The following VIPR1 variants were observed in gnomAD, a reference collection of about 807,000 sequenced individuals.
The protein encoded by VIPR1 is vasoactive intestinal polypeptide receptor 1.
VIPR1 carries 59 observed loss-of-function variants against 58.8 expected under a neutral mutation model. The ratio of observed to expected loss-of-function variants is 1.00; its 90% CI spans 0.81 to 1.25. The LOEUF (loss-of-function observed/expected upper bound fraction) is 1.25, where lower values mean the gene tolerates loss of function less well. Ranked by LOEUF, VIPR1 falls within the 50% of genes most tolerant of loss-of-function variation. The probability of loss-of-function intolerance (pLI) is 0.00; values close to 1 mark genes in which losing one functional copy is unlikely to be tolerated. For missense variants in VIPR1, 626 were observed against 602.7 expected (o/e 1.04, Z -0.40); for synonymous variants, 251 against 242.1 (o/e 1.04, Z -0.34).
intron 10 of VIPR1, chr3:42,532,720 G>A (rs575766853): frequency 1.4e-4 from 39 of 277,646 alleles, no homozygotes; most frequent in Non-Finnish European, 2.4e-4. Flanking sequence ...TGCCCTGGGG[G>A]AGACCCCAGT....
At chr3:42,529,940 C>T (rs1044602171) in intron 6 of VIPR1, 3 of 152,266 alleles carry the variant, frequency 2.0e-5, no homozygotes, top group African/African-American at 7.2e-5. Flanking sequence ...GGCCACCCCT[C>T]CCCTCTTCTC....
intron 1 of VIPR1, among the ~76,000 whole-genome samples, chr3:42,512,528 C>G (rs147390061): frequency 6.6e-6 from 1 of 152,276 alleles, no homozygotes; most frequent in Non-Finnish European, 1.5e-5. Flanking sequence ...GAAGGTCCCC[C>G]ACCTATGTTC....
In VIPR1 at chr3:42,490,816, A is replaced by G. The variant is rs185874248; in HGVS notation, c.-245+1138A>G. ...GGGAATACCGGGGAAGAGCATTCCAAGTAGAGGGAGCTGCCAGTACAGACT... is the reference window on the plus strand; with the variant it reads ...GGGAATACCGGGGAAGAGCATTCCAGGTAGAGGGAGCTGCCAGTACAGACT... On this transcript the variant is annotated intron_variant, in intron 1 of 13. Transcript: ENST00000433647. Among the ~76,000 whole-genome samples the G allele has an allele frequency of 1.4e-3, 208 of 152,254 alleles. 4 individuals carry two copies. In the East Asian group the frequency reaches 0.038, roughly 27 times the overall value.
At chr3:42,509,924 T>G (rs189710089) in intron 1 of VIPR1, among the ~76,000 whole-genome samples, 4 of 152,302 alleles carry the variant, frequency 2.6e-5, no homozygotes, top group Admixed American at 2.6e-4. Context: ...CCTGGACTGG[T>G]GCAGTAGCTT....
chr3:42,513,596 G>T (rs1700469303), intron 1 of VIPR1, 153 bp from the exon 2 acceptor site: 1 of 751,896 alleles, frequency 1.3e-6, no homozygotes, highest in Non-Finnish European at 2.1e-6. Context: ...ACAGGTTGGG[G>T]TCAGGTTCAG....
upstream of VIPR1, among the ~76,000 whole-genome samples, chr3:42,501,128 G>T (rs1699860408): frequency 6.6e-6 from 1 of 152,130 alleles, no homozygotes; most frequent in African/African-American, 2.4e-5. This position sits in a 1 kb window ranked among gnomAD's most constrained non-coding sequence, Gnocchi z 4.8. Context: ...CAAGTGCAGG[G>T]GATGGAATGC....
intron 1 of VIPR1, 97 bp from the exon 2 acceptor site, chr3:42,513,650 ATC>A: frequency 7.9e-7 from 1 of 1,258,930 alleles, no homozygotes; most frequent in Non-Finnish European, 1.1e-6. Flanking sequence ...TGGAACTTGG[ATC>A]TCTTCCAGGG....
chr3:42,530,886 C>A lies in VIPR1; in HGVS notation c.744C>A (p.Phe248Leu), dbSNP rs1313739181. 3 of 1,613,996 alleles carry A rather than the reference C, an allele frequency of 1.9e-6. No individual in the cohort carries two copies. The African/African-American group carries it at 4.0e-5, about 22-fold the overall frequency. Reference sequence around the variant, plus strand: ...TGTACACCCTGCTTGCCGTCTCCTTCTTCTCTGAGCGGAAGTACTTCTGGG... The same window carrying A: ...TGTACACCCTGCTTGCCGTCTCCTTATTCTCTGAGCGGAAGTACTTCTGGG... ...LYLYTLLAVS[F>L]FSERKYFWGY... The change falls in exon 7 of 13, where the codon TTC becomes TTA. Residue 248 changes from phenylalanine to leucine, a missense_variant. Phe to Leu is a conservative substitution (Grantham distance 22). Transcript: ENST00000325123.
intron 6 of VIPR1, chr3:42,530,414 A>G (rs1265018990): frequency 4.4e-6 from 1 of 225,410 alleles, no homozygotes; most frequent in African/African-American, 2.2e-5. Context: ...GGACACATGG[A>G]TAAAAAATGG....
rs899351737 is a variant in VIPR1 at position 42,527,468 on chromosome 3, G to A, written c.475G>A (p.Val159Ile). ...CGGCCTGTCCCTCGCCACCCTTCTG[G>A]TCGCCACAGCTATCCTGAGCCTGTT... ...GYGLSLATLLVATAILSLFRK... is the reference protein window; with the variant it reads ...GYGLSLATLLIATAILSLFRK... The change falls in exon 5 of 13, where the codon GTC becomes ATC. Residue 159 changes from valine to isoleucine, a missense_variant. Val to Ile is a conservative substitution (Grantham distance 29). Coordinates refer to ENST00000325123, the MANE Select transcript of VIPR1 (RefSeq NM_004624.4). The A allele has an allele frequency of 6.2e-7, 1 of 1,613,796 alleles. No homozygotes were observed. The highest frequency in any genetic ancestry group is 1.3e-5 in the African/African-American group (1 of 74,896).
chr3:42,524,299 T>C (rs1701116433), intron 3 of VIPR1, among the ~76,000 whole-genome samples: 1 of 152,186 alleles, frequency 6.6e-6, no homozygotes, highest in South Asian at 2.1e-4. Context: ...CTGGCTGCAA[T>C]GATGGGAAGC....
rs1010307918 is a variant in VIPR1, at chr3:42,536,888, T to G, written c.*607T>G. On this transcript the variant is annotated 3_prime_UTR_variant, in exon 13 of 13. Transcript: ENST00000325123. ...TTTTTGTTTGGAGAGCACACCTATC[T>G]TAGTGGTTCCCCACCGAAGTGGACT... is the stretch of plus-strand genomic sequence containing the variant. 1.3e-5 allele frequency: 2 copies of G among 152,238 alleles called. No individual in the cohort carries two copies. Among genetic ancestry groups the G allele is most frequent in the Non-Finnish European group, 1.5e-5 (1 of 68,060 alleles). 9.4% of individuals were successfully genotyped at this position (152,238 alleles called of 1,614,324 possible).
chr3:42,531,424 T>C, intron 7 of VIPR1, 47 bp from the exon 8 acceptor site: 1 of 1,548,734 alleles, frequency 6.5e-7, no homozygotes, highest in Admixed American at 2.0e-5. Flanking sequence ...CCTCTACCCC[T>C]GCTTCCTGTG....
rs1420585633 is a variant in VIPR1 at position 42,536,718 on chromosome 3, A to G, written c.*437A>G. 1 of 161,328 alleles carries G rather than the reference A, an allele frequency of 6.2e-6. No homozygotes were observed. Among genetic ancestry groups the G allele is most frequent in the Non-Finnish European group, 1.3e-5 (1 of 74,594 alleles). The allele number at this position is 161,328 out of a possible 1,614,324, so 10.0% of individuals were successfully genotyped here. A position where few individuals can be genotyped will look rare whatever the true frequency, so the allele number is the denominator to read the frequency against. ...CGGGAAGGTCACCAGCACCAACACC[A>G]CGGTAGTGCCTGAAATTTCACCATT... On this transcript the variant is annotated 3_prime_UTR_variant, in exon 13 of 13. Transcript: ENST00000325123.
chr3:42,495,867 T>A (rs566402085), intron 1 of VIPR1, among the ~76,000 whole-genome samples: 3 of 152,000 alleles, frequency 2.0e-5, no homozygotes, highest in Admixed American at 2.0e-4. Context: ...CTGAACAACC[T>A]GACTGAACTT....
Position 42,531,321 on chromosome 3 carries a change from A to G in VIPR1, c.791-150A>G, listed in dbSNP as rs954510370. ...TCAGTGGAGCATCCCTCCGTGGTGA[A>G]CAACCTATGCAACCAAAGACAGCAG... is the stretch of plus-strand genomic sequence containing the variant. On this transcript the variant is annotated intron_variant, in intron 7 of 12. Transcript: ENST00000325123. 1.0e-5 allele frequency: 8 copies of G among 797,402 alleles called. No individual in the cohort carries two copies. The African/African-American group carries it at 1.2e-4, about 12-fold the overall frequency. The allele number at this position is 797,402 out of a possible 1,614,324, so 49.4% of individuals were successfully genotyped here.
rs375928724 is a variant in VIPR1 at position 42,531,506 on chromosome 3, G to A, written c.826G>A (p.Ala276Thr). The A allele has an allele frequency of 8.2e-6, 13 of 1,594,788 alleles. No homozygotes were observed. The highest frequency in any genetic ancestry group is 1.3e-5 in the African/African-American group (1 of 74,590). ...CACATTCACCATGGTGTGGACCATC[G>A]CCAGGATCCATTTTGAGGATTATGG... ...PSTFTMVWTIARIHFEDYGCW... is the reference protein window; with the variant it reads ...PSTFTMVWTITRIHFEDYGCW... The change falls in exon 8 of 13, where the codon GCC becomes ACC. Residue 276 changes from alanine (A) to threonine (T), a missense_variant. Coordinates refer to ENST00000325123, the MANE Select transcript of VIPR1 (RefSeq NM_004624.4).
At chr3:42,510,334 A>C (rs1460823419) in intron 1 of VIPR1, among the ~76,000 whole-genome samples, 1 of 151,872 alleles carries the variant, frequency 6.6e-6, no homozygotes, top group Non-Finnish European at 1.5e-5. Flanking sequence ...GCTATATCCC[A>C]CCCTGGAACA....
At chr3:42,504,335 C>G (rs1012706230) in intron 1 of VIPR1, among the ~76,000 whole-genome samples, 1 of 152,162 alleles carries the variant, frequency 6.6e-6, no homozygotes. Flanking sequence ...CTTCACACTT[C>G]CTGAGACAGC....
Sources: allele counts gnomAD v4.1 joint callset (sites outside exome capture counted in the v4.1 genomes callset), GRCh38; gene constraint gnomAD v4.1.1; non-coding constraint Gnocchi (gnomAD v3.1); transcripts MANE v1.5; gene names NCBI Gene and HGNC (gene_info 2026-07-23, HGNC 2026-07-21).